GALC: variants seen among roughly 807,000 people sequenced by gnomAD.
The protein encoded by GALC is galactocerebrosidase.
Under a neutral mutation model 91.8 loss-of-function variants are expected in GALC, and 77 were observed. The ratio of observed to expected loss-of-function variants is 0.84; its 90% CI spans 0.70 to 1.01. The LOEUF is 1.01. Among genes scored for constraint, GALC ranks in the 50% least tolerant of loss-of-function variants. The pLI, the probability that GALC is intolerant of heterozygous loss-of-function variation, is 0.00. For missense variants in GALC, 882 were observed against 855.9 expected, an observed-to-expected ratio of 1.03 and a Z score of -0.38; for synonymous variants, 357 against 306.7, an observed-to-expected ratio of 1.16 and a Z score of -1.71.
At chr14:87,942,407 A>C (rs1034658368) in intron 14 of GALC, among the ~76,000 whole-genome samples, 1 of 152,010 alleles carries the variant, frequency 6.6e-6, no homozygotes, top group Non-Finnish European at 1.5e-5. Flanking sequence ...GGACTACCAG[A>C]GCTTTTACAG....
intron 10 of GALC, chr14:87,955,046 T>C: frequency 7.4e-7 from 1 of 1,349,896 alleles, no homozygotes. Context: ...ATGGCAGACC[T>C]GTTACACTCC....
At chr14:87,940,233 T>G (rs1005738852) in intron 15 of GALC, among the ~76,000 whole-genome samples, 5 of 151,850 alleles carry the variant, frequency 3.3e-5, no homozygotes, top group Non-Finnish European at 7.4e-5. Flanking sequence ...ACAGAACCAG[T>G]GAAATAAACT....
chr14:87,964,457 A>C (rs911385459), intron 9 of GALC, among the ~76,000 whole-genome samples: 1 of 152,166 alleles, frequency 6.6e-6, no homozygotes, highest in Non-Finnish European at 1.5e-5. Context: ...AATGTTTATA[A>C]TCTTTTACAA....
intron 1 of GALC, among the ~76,000 whole-genome samples, chr14:87,988,977 G>A (rs1887084312): frequency 6.6e-6 from 1 of 152,118 alleles, no homozygotes; most frequent in Admixed American, 6.5e-5. Flanking sequence ...TTACTATTAA[G>A]AATAACTAGC....
intron 16 of GALC, among the ~76,000 whole-genome samples, chr14:87,936,912 A>ATATATATATATATATATATATATTT (rs1385587017): frequency 1.4e-5 from 2 of 139,868 alleles, no homozygotes; most frequent in African/African-American, 5.4e-5. Flanking sequence ...ATATATATAT[A>ATATATATATATATATATATATATTT]TTTATTTATT....
Position 87,947,817 on chromosome 14 carries a change from G to T in GALC, c.1400C>A (p.Thr467Asn), listed in dbSNP as rs750431739. 2.5e-6 allele frequency: 4 copies of T among 1,612,708 alleles called. No individual in the cohort carries two copies. Among genetic ancestry groups the T allele is most frequent in the African/African-American group, 2.7e-5 (2 of 74,804 alleles). ...GCCTTTGCGACCAGTGGTGAGAGTG[G>T]TGAGTGTGAACAGCTCATCTTCATG... is the stretch of plus-strand genomic sequence containing the variant. ...SLHEDELFTL[T>N]TLTTGRKGSY... Residue 467 changes from threonine (T) to asparagine (N), a missense_variant, in exon 13 of 17, where the codon ACC becomes AAC. Coordinates refer to ENST00000261304, the MANE Select transcript of GALC (RefSeq NM_000153.4).
chr14:87,977,863 G>T (rs570143064), intron 6 of GALC, among the ~76,000 whole-genome samples: 1 of 152,140 alleles, frequency 6.6e-6, no homozygotes, highest in South Asian at 2.1e-4. Flanking sequence ...TTTAGAAAAC[G>T]GGGTGAAAAT....
At chr14:87,947,276 A>AT (rs201424305) in intron 13 of GALC, among the ~76,000 whole-genome samples, 1 of 115,032 alleles carries the variant, frequency 8.7e-6, no homozygotes, top group Non-Finnish European at 2.0e-5. Context: ...AGAAAGCTCA[A>AT]TTAAAAAAAA....
intron 16 of GALC, among the ~76,000 whole-genome samples, chr14:87,936,896 C>CCATATATATATATATATATATATATATA (rs1555378200): frequency 6.5e-3 from 23 of 3,518 alleles, no homozygotes; most frequent in Admixed American, 8.6e-3. Context: ...ATATCAGGTA[C>CCATATATATATATATATATATATATATA]TATATATATA....
At chr14:87,953,774 A>T in intron 10 of GALC, 1 of 1,605,148 alleles carries the variant, frequency 6.2e-7, no homozygotes. Context: ...GGTATTAAAA[A>T]AAGTCATTAA....
Position 87,934,598 on chromosome 14 carries a change from C to A in GALC, c.*134G>T, listed in dbSNP as rs1360908205. The A allele has an allele frequency of 6.6e-7, 1 of 1,526,198 alleles. No homozygotes were observed. The highest frequency in any genetic ancestry group is 2.4e-5 in the East Asian group (1 of 41,658). 94.5% of individuals were successfully genotyped at this position (1,526,198 alleles called of 1,614,324 possible). A position where few individuals can be genotyped will look rare whatever the true frequency, so the allele number is the denominator to read the frequency against. ...CAGGGTAAATTAAAAATAAATTTCT[C>A]TCCCCTTTTACTCTTCATTATTTTT... On this transcript the variant is annotated 3_prime_UTR_variant, in exon 17 of 17. Coordinates refer to ENST00000261304, the MANE Select transcript of GALC (RefSeq NM_000153.4).
Position 87,953,989 on chromosome 14 carries a change from T to C in GALC, c.1162-3241A>G, listed in dbSNP as rs368975143. 1.3e-4 allele frequency: 215 copies of C among 1,609,454 alleles called. 1 individual carries two copies. In the South Asian group the frequency reaches 2.0e-3, roughly 15 times the overall value. On this transcript the variant is annotated intron_variant, in intron 10 of 16. Transcript: ENST00000261304. ...GCATTTTGGGCATATACAGTGTTTC[T>C]TGGAGATATAATTTTACTCGCAGAT...
Position 87,953,672 on chromosome 14 carries a change from G to C in GALC, c.1162-2924C>G, listed in dbSNP as rs150180100. The C allele has an allele frequency of 3.2e-3, 5,158 of 1,609,092 alleles. 132 individuals are homozygous for C. In the African/African-American group the frequency reaches 0.057, roughly 18 times the overall value. On this transcript the variant is annotated intron_variant, in intron 10 of 16. Coordinates refer to ENST00000261304, the MANE Select transcript of GALC (RefSeq NM_000153.4). ...GTGGGCCAGTCTGAAGCTCTATCTA[G>C]AGTCCTTCAAGTAGCTAAGAAAATG... is the stretch of plus-strand genomic sequence containing the variant.
At chr14:87,972,912 T>C (rs1886355139) in intron 7 of GALC, among the ~76,000 whole-genome samples, 1 of 151,958 alleles carries the variant, frequency 6.6e-6, no homozygotes, top group African/African-American at 2.4e-5. Flanking sequence ...AATAAGAAAA[T>C]ACTTAAATAT....
chr14:87,953,483 A>C, intron 10 of GALC: 1 of 1,588,408 alleles, frequency 6.3e-7, no homozygotes, highest in Non-Finnish European at 8.6e-7. Flanking sequence ...AACTCTGACA[A>C]AGGTCCTGAA....
chr14:87,952,603 T>C (rs964457980), intron 10 of GALC: 48 of 1,494,046 alleles, frequency 3.2e-5, no homozygotes, highest in Non-Finnish European at 4.5e-5. Flanking sequence ...CGGAAAAAAA[T>C]TCAGCTTTTA....
At chr14:87,953,211 G>A (rs960032916) in intron 10 of GALC, 27 of 1,497,484 alleles carry the variant, frequency 1.8e-5, no homozygotes, top group Admixed American at 8.5e-5. Flanking sequence ...CAACTGATAC[G>A]GAATTTCTCT....
chr14:87,992,658 G>A lies in GALC; in HGVS notation c.195+312C>T. The A allele has an allele frequency of 2.1e-6, 3 of 1,439,920 alleles. 1 individual carries two copies. In the South Asian group the frequency reaches 4.4e-5, roughly 21 times the overall value. The allele number at this position is 1,439,920 out of a possible 1,614,324, so 89.2% of individuals were successfully genotyped here. A position where few individuals can be genotyped will look rare whatever the true frequency, so the allele number is the denominator to read the frequency against. On this transcript the variant is annotated intron_variant, in intron 1 of 16. Coordinates refer to ENST00000261304, the MANE Select transcript of GALC (RefSeq NM_000153.4). ...AAGACAGCCTGTGCCCCACTGCCTG[G>A]GACGAGGGTTCCAGCCCCGGCTACT...
intron 6 of GALC, 116 bp from the exon 7 acceptor site, chr14:87,976,604 CTTTTG>C (rs1886503714): frequency 3.4e-6 from 3 of 884,860 alleles, no homozygotes; most frequent in Admixed American, 4.2e-5. Flanking sequence ...ATAATAGCTT[CTTTTG>C]TTTGTTTGTT....
Sources: gnomAD v4.1 joint callset for allele counts (sites outside exome capture counted in the v4.1 genomes callset) on GRCh38, gnomAD v4.1.1 for gene constraint, MANE v1.5 for transcripts, NCBI Gene and HGNC (gene_info 2026-07-23, HGNC 2026-07-21) for gene names.